Variants in AGMO observed in about 807,000 individuals in gnomAD.
AGMO encodes alkylglycerol monooxygenase.
Under a neutral mutation model 60.2 loss-of-function variants are expected in AGMO, and 75 were observed. The observed-to-expected ratio is 1.25, with a 90% confidence interval of 1.03 to 1.51. The LOEUF is 1.51. Ranked by LOEUF, AGMO falls within the 40% of genes most tolerant of loss-of-function variation. AGMO has a pLI of 0.00. For synonymous variants in AGMO, 261 were observed against 177.1 expected, an observed-to-expected ratio of 1.47 and a Z score of -3.76; for missense variants, 763 against 525.5, an observed-to-expected ratio of 1.45 and a Z score of -4.42.
intron 12 of AGMO, chr7:15,306,260 T>G: frequency 4.2e-6 from 1 of 238,292 alleles, no homozygotes; most frequent in Non-Finnish European, 8.5e-6. Flanking sequence ...AGGTCTTTTT[T>G]TATTTCATAC....
intron 3 of AGMO, among the ~76,000 whole-genome samples, chr7:15,482,997 A>G (rs1410008054): frequency 6.6e-6 from 1 of 152,176 alleles, no homozygotes; most frequent in East Asian, 1.9e-4. Context: ...ATAAGTATCT[A>G]TCTTTAAAAT....
chr7:15,322,981 A>ATTTTTT (rs146681446), intron 12 of AGMO, among the ~76,000 whole-genome samples: 67 of 146,406 alleles, frequency 4.6e-4, no homozygotes, highest in East Asian at 8.1e-4. Context: ...ATATATATGT[A>ATTTTTT]TTTATTTTTT....
chr7:15,180,950 A>G, the AGMO span, among the ~76,000 whole-genome samples: 6,527 of 152,190 alleles, frequency 0.043, 450 homozygotes, highest in African/African-American at 0.15. Context: ...CTCACAAGCA[A>G]GGGATACATA....
chr7:15,382,638 T>C (rs961184484), intron 10 of AGMO, among the ~76,000 whole-genome samples: 4 of 152,204 alleles, frequency 2.6e-5, no homozygotes, highest in African/African-American at 9.6e-5. Flanking sequence ...GCAATTATTT[T>C]ATGATAACAA....
At chr7:15,359,474 TTAAATA>T (rs1422926510) in intron 12 of AGMO, among the ~76,000 whole-genome samples, 6 of 152,162 alleles carry the variant, frequency 3.9e-5, no homozygotes, top group Admixed American at 6.5e-5. Context: ...ATGAAATACC[TTAAATA>T]TAAACATTGA....
intron 12 of AGMO, among the ~76,000 whole-genome samples, chr7:15,235,575 A>T (rs989953899): frequency 5.3e-5 from 8 of 152,152 alleles, no homozygotes; most frequent in Non-Finnish European, 1.0e-4. Flanking sequence ...TTGTATAGTT[A>T]TGATCAGAAA....
the AGMO span, among the ~76,000 whole-genome samples, chr7:15,178,190 A>G: frequency 6.6e-6 from 1 of 152,140 alleles, no homozygotes; most frequent in Non-Finnish European, 1.5e-5. Flanking sequence ...ATATTTGGCC[A>G]GAATATGTTC....
the AGMO span, among the ~76,000 whole-genome samples, chr7:15,161,174 A>G: frequency 1.3e-5 from 2 of 152,178 alleles, no homozygotes; most frequent in African/African-American, 2.4e-5. Context: ...GATTCCAACA[A>G]ATGCTTTTGA....
In AGMO at chr7:15,387,551, T is replaced by TAA. The variant is rs58741316; in HGVS notation, c.823-13_823-12dup. 7.6e-6 allele frequency: 12 copies of TAA among 1,586,130 alleles called. No homozygotes were observed. The African/African-American group carries it at 1.2e-4, about 16-fold the overall frequency. On this transcript the variant is annotated splice_polypyrimidine_tract_variant and intron_variant, in intron 8 of 12. Coordinates refer to ENST00000342526, the MANE Select transcript of AGMO (RefSeq NM_001004320.2). ...AAATAAGTGATGGAACTAGAAACAATAAAAAAAGAGCTTATTTCACATAAG... is the reference window on the plus strand; with the variant it reads ...AAATAAGTGATGGAACTAGAAACAATAAAAAAAAAGAGCTTATTTCACATAAG...
At chr7:15,419,205 T>C (rs556094013) in intron 4 of AGMO, among the ~76,000 whole-genome samples, 198 of 152,004 alleles carry the variant, frequency 1.3e-3, no homozygotes, top group African/African-American at 4.4e-3. Context: ...AGGAAGGAGG[T>C]ATGATATGGT....
At position 15,267,559 on chromosome 7, in the gene AGMO, C is replaced by T. The variant is rs530278168; in HGVS notation, c.1264-66200G>A. On this transcript the variant is annotated intron_variant, in intron 12 of 12. Transcript: ENST00000342526. ...TCATTCAGGGACAAATTGGATTACA[C>T]TGGTCTGAACAACAGTTCACACTTT... Among the ~76,000 whole-genome samples, 20 of 152,090 alleles carry T rather than the reference C, an allele frequency of 1.3e-4. No individual in the cohort carries two copies. The East Asian group carries it at 1.7e-3, about 13-fold the overall frequency.
At chr7:15,497,657 C>G (rs922802221) in intron 3 of AGMO, among the ~76,000 whole-genome samples, 2 of 151,934 alleles carry the variant, frequency 1.3e-5, no homozygotes, top group African/African-American at 4.8e-5. Flanking sequence ...AAAGCTCACA[C>G]AAGAACACAA....
At chr7:15,282,119 C>CAA (rs1783984110) in intron 12 of AGMO, among the ~76,000 whole-genome samples, 1 of 151,778 alleles carries the variant, frequency 6.6e-6, no homozygotes, top group Non-Finnish European at 1.5e-5. Context: ...ATATAGTCTG[C>CAA]CCAAATAAGA....
At chr7:15,171,275 C>A in the AGMO span, among the ~76,000 whole-genome samples, 1 of 152,186 alleles carries the variant, frequency 6.6e-6, no homozygotes, top group East Asian at 1.9e-4. Flanking sequence ...GCCACCACGC[C>A]CTACCTTGGG....
chr7:15,356,711 CTAATT>C (rs761938560), intron 12 of AGMO, among the ~76,000 whole-genome samples: 17 of 151,662 alleles, frequency 1.1e-4, no homozygotes, highest in South Asian at 2.1e-4. Flanking sequence ...AAAAATGTAT[CTAATT>C]TAATATCTCT....
At chr7:15,309,130 T>G (rs7803607) in intron 12 of AGMO, among the ~76,000 whole-genome samples, 2,854 of 152,272 alleles carry the variant, frequency 0.019, 72 homozygotes, top group African/African-American at 0.065. Flanking sequence ...ACACTCAGTA[T>G]GAAAGAGACA....
intron 12 of AGMO, among the ~76,000 whole-genome samples, chr7:15,236,202 A>G (rs1563048469): frequency 6.6e-6 from 1 of 152,252 alleles, no homozygotes; most frequent in East Asian, 1.9e-4. Flanking sequence ...ATTCTTAAGG[A>G]AAAGGTAAAT....
rs1785268581 is a variant in AGMO at position 15,560,273 on chromosome 7, T to C, written c.127-2A>G. ...CAAAGAAATGAAAAATGGAGTTGCCTGGAAAGGAAGTTGCAGAAAAGAGAT... is the reference window on the plus strand; with the variant it reads ...CAAAGAAATGAAAAATGGAGTTGCCCGGAAAGGAAGTTGCAGAAAAGAGAT... On this transcript the variant is annotated splice_acceptor_variant, in intron 1 of 12. Transcript: ENST00000342526. LOFTEE classifies it high-confidence loss of function. The C allele has an allele frequency of 6.2e-7, 1 of 1,611,098 alleles. No individual in the cohort carries two copies. The highest frequency in any genetic ancestry group is 8.5e-7 in the Non-Finnish European group (1 of 1,178,176).
intron 12 of AGMO, among the ~76,000 whole-genome samples, chr7:15,250,799 G>T (rs1028853664): frequency 6.6e-6 from 1 of 151,888 alleles, no homozygotes; most frequent in Admixed American, 6.6e-5. Context: ...CAAAAAATGA[G>T]ACCGGCATGG....
Sources: allele counts gnomAD v4.1 joint callset (sites outside exome capture counted in the v4.1 genomes callset), GRCh38; gene constraint gnomAD v4.1.1; transcripts MANE v1.5; gene names NCBI Gene and HGNC (gene_info 2026-07-23, HGNC 2026-07-21).